PDE4B: variants seen among roughly 807,000 people sequenced by gnomAD.
PDE4B encodes phosphodiesterase 4B, also known as 3',5'-cyclic-AMP phosphodiesterase 4B.
In PDE4B, 20 loss-of-function variants were observed where a neutral mutation model predicts 82.2. That is an observed-to-expected ratio of 0.24 (90% CI 0.17 to 0.35). The LOEUF (loss-of-function observed/expected upper bound fraction) is 0.35. PDE4B is among the 10% of genes least tolerant of loss of function. PDE4B has a pLI of 1.00. For missense variants in PDE4B, 655 were observed against 907.2 expected (o/e 0.72, Z 3.57); for synonymous variants, 320 against 318.9 (o/e 1.00, Z -0.04).
intron 3 of PDE4B, among the ~76,000 whole-genome samples, chr1:66,210,080 C>G (rs1321626163): frequency 6.6e-6 from 1 of 152,114 alleles, no homozygotes; most frequent in East Asian, 1.9e-4. Context: ...GTTCTTCATA[C>G]AAGAACTCTA....
chr1:66,148,252 A>G (rs1405120761), intron 3 of PDE4B, among the ~76,000 whole-genome samples: 4 of 152,132 alleles, frequency 2.6e-5, no homozygotes, highest in Non-Finnish European at 4.4e-5. Flanking sequence ...CTTGTGTGAT[A>G]GAGTGAGATG....
At chr1:66,115,429 C>T (rs2101062238) in intron 3 of PDE4B, among the ~76,000 whole-genome samples, 1 of 152,082 alleles carries the variant, frequency 6.6e-6, no homozygotes, top group Non-Finnish European at 1.5e-5. Context: ...AGGGTTGTTG[C>T]CAAGCAAGGA....
chr1:65,898,180 T>C (rs1411658013), intron 1 of PDE4B, among the ~76,000 whole-genome samples: 1 of 151,926 alleles, frequency 6.6e-6, no homozygotes, highest in Non-Finnish European at 1.5e-5. Context: ...TTTAATGGGG[T>C]CGTTTTTTGC....
At chr1:66,188,218 G>T (rs1285155996) in intron 3 of PDE4B, among the ~76,000 whole-genome samples, 1 of 151,958 alleles carries the variant, frequency 6.6e-6, no homozygotes, top group Non-Finnish European at 1.5e-5. Context: ...TATAATTTCT[G>T]TTCTTTTACA....
chr1:66,228,219 C>G (rs1235631467), intron 3 of PDE4B, among the ~76,000 whole-genome samples: 1 of 152,204 alleles, frequency 6.6e-6, no homozygotes, highest in Non-Finnish European at 1.5e-5. Flanking sequence ...CCTTCCCTTC[C>G]TTTACCCCGG....
At chr1:66,140,583 C>T (rs1646152426) in intron 3 of PDE4B, among the ~76,000 whole-genome samples, 1 of 152,104 alleles carries the variant, frequency 6.6e-6, no homozygotes, top group African/African-American at 2.4e-5. Context: ...AGAAATCAGT[C>T]TTGTTTTCCT....
chr1:65,842,007 A>G (rs893508118), intron 1 of PDE4B, among the ~76,000 whole-genome samples: 4 of 152,220 alleles, frequency 2.6e-5, no homozygotes, highest in African/African-American at 9.6e-5. Flanking sequence ...AATTAGAAAT[A>G]TTAAATCAAC....
intron 3 of PDE4B, among the ~76,000 whole-genome samples, chr1:66,081,832 C>CTCTGTGTGTGTG (rs1280680569): frequency 2.4e-5 from 3 of 125,196 alleles, no homozygotes; most frequent in East Asian, 5.1e-4. Flanking sequence ...CTCTCTCTCT[C>CTCTGTGTGTGTG]TGTGTGTGTG....
chr1:66,354,780 T>C, intron 8 of PDE4B: 1 of 1,533,144 alleles, frequency 6.5e-7, no homozygotes, highest in Non-Finnish European at 8.7e-7. Flanking sequence ...CCTTTCGGGA[T>C]TGCTCTCTCA....
chr1:66,316,117 A>G (rs548049631), intron 7 of PDE4B, among the ~76,000 whole-genome samples: 2 of 152,364 alleles, frequency 1.3e-5, no homozygotes, highest in Admixed American at 6.5e-5. Context: ...AATAAGTTCA[A>G]TCAGTGAGTA....
At chr1:65,939,295 T>C (rs568003469) in intron 3 of PDE4B, among the ~76,000 whole-genome samples, 1 of 152,242 alleles carries the variant, frequency 6.6e-6, no homozygotes, top group South Asian at 2.1e-4. Context: ...TACTAGGTTC[T>C]GGCCAAATCA....
At chr1:66,320,961 A>G (rs1659360663) in intron 7 of PDE4B, among the ~76,000 whole-genome samples, 1 of 152,188 alleles carries the variant, frequency 6.6e-6, no homozygotes, top group African/African-American at 2.4e-5. Flanking sequence ...ATGCTTGAGC[A>G]GAAACAACTA....
intron 6 of PDE4B, among the ~76,000 whole-genome samples, chr1:66,258,670 C>A (rs187935762): frequency 1.3e-5 from 2 of 152,144 alleles, no homozygotes; most frequent in South Asian, 2.1e-4. Context: ...CCCCTCCCCC[C>A]GCATAAGTTA....
At chr1:66,193,965 T>TC (rs1553156765) in intron 3 of PDE4B, among the ~76,000 whole-genome samples, 71 of 151,432 alleles carry the variant, frequency 4.7e-4, no homozygotes, top group African/African-American at 1.4e-3. Flanking sequence ...TTTTTTTTTT[T>TC]GGGAGATTCA....
intron 7 of PDE4B, among the ~76,000 whole-genome samples, chr1:66,291,199 A>T (rs1285314206): frequency 6.6e-6 from 1 of 152,186 alleles, no homozygotes; most frequent in African/African-American, 2.4e-5. Flanking sequence ...CTTCATCTTT[A>T]AAACAAACCA....
chr1:65,856,876 C>T (rs1307645893), intron 1 of PDE4B, among the ~76,000 whole-genome samples: 2 of 152,184 alleles, frequency 1.3e-5, no homozygotes, highest in Non-Finnish European at 2.9e-5. Context: ...CACTGGCAGT[C>T]CCACAGATAT....
Position 66,373,904 on chromosome 1 carries a change from C to T in PDE4B, c.*1226C>T, listed in dbSNP as rs1265859207. The T allele has an allele frequency of 6.6e-6, 1 of 152,570 alleles. No individual in the cohort carries two copies. Among genetic ancestry groups the T allele is most frequent in the African/African-American group, 2.4e-5 (1 of 41,428 alleles). The allele number at this position is 152,570 out of a possible 1,614,324, so 9.5% of individuals were successfully genotyped here. On this transcript the variant is annotated 3_prime_UTR_variant, in exon 17 of 17. Transcript: ENST00000341517. ...TTCCCTGCCTGAGTTGCTACTTCTG[C>T]ACAACCCCTTTATGAACCAGTTTTG... is the stretch of plus-strand genomic sequence containing the variant.
intron 7 of PDE4B, among the ~76,000 whole-genome samples, chr1:66,331,333 C>T (rs1310543784): frequency 6.6e-6 from 1 of 152,162 alleles, no homozygotes; most frequent in Non-Finnish European, 1.5e-5. Context: ...TGCTATTTCT[C>T]TCAAAAACAG....
intron 3 of PDE4B, among the ~76,000 whole-genome samples, chr1:66,150,866 G>A (rs1450489675): frequency 6.6e-6 from 1 of 152,080 alleles, no homozygotes. Flanking sequence ...ACCAACCTTG[G>A]ATTCCTGGGT....
Sources: gnomAD v4.1 joint callset for allele counts (sites outside exome capture counted in the v4.1 genomes callset) on GRCh38, gnomAD v4.1.1 for gene constraint, MANE v1.5 for transcripts, NCBI Gene and HGNC (gene_info 2026-07-23, HGNC 2026-07-21) for gene names.